Variants in KCNJ15 observed in about 807,000 individuals in gnomAD.
KCNJ15 encodes the protein potassium inwardly rectifying channel subfamily J member 15.
In KCNJ15, 14 loss-of-function variants were observed where a neutral mutation model predicts 23.0. The ratio of observed to expected loss-of-function variants is 0.61; its 90% CI spans 0.40 to 0.95. KCNJ15 has a LOEUF of 0.95. Among genes scored for constraint, KCNJ15 ranks in the 40% least tolerant of loss-of-function variants. The pLI, the probability that KCNJ15 is intolerant of heterozygous loss-of-function variation, is 0.00. For missense variants in KCNJ15, 388 were observed against 461.8 expected (o/e 0.84, Z 1.46); for synonymous variants, 185 against 183.2 (o/e 1.01, Z -0.08).
intron 1 of KCNJ15, among the ~76,000 whole-genome samples, chr21:38,239,751 G>T (rs1399311173): frequency 6.6e-6 from 1 of 152,222 alleles, no homozygotes; most frequent in Non-Finnish European, 1.5e-5. Context: ...CACTCCTAGT[G>T]TGGAGAAGTC....
At chr21:38,274,719 CCTT>C (rs1236800361) in intron 1 of KCNJ15, among the ~76,000 whole-genome samples, 3 of 152,196 alleles carry the variant, frequency 2.0e-5, no homozygotes, top group Non-Finnish European at 4.4e-5. Context: ...ATCACGTCCT[CCTT>C]CTTGAAATCT....
In KCNJ15 at chr21:38,305,412, G is replaced by A. The variant is rs942698201; in HGVS notation, c.*5023G>A. 2.6e-5 allele frequency: 4 copies of A among 152,182 alleles called. No homozygotes were observed. Among genetic ancestry groups the A allele is most frequent in the African/African-American group, 9.7e-5 (4 of 41,440 alleles). The allele number at this position is 152,182 out of a possible 1,614,324, so 9.4% of individuals were successfully genotyped here. A position where few individuals can be genotyped will look rare whatever the true frequency, so the allele number is the denominator to read the frequency against. On this transcript the variant is annotated 3_prime_UTR_variant, in exon 3 of 3. Transcript: ENST00000398938. ...TAAAAATAGAAGACCAAGAGAAGGC[G>A]GTTGATTGGAGTTGATACTTAATAG...
At chr21:38,253,109 G>T (rs1979947089), upstream of KCNJ15, among the ~76,000 whole-genome samples, 1 of 152,140 alleles carries the variant, frequency 6.6e-6, no homozygotes, top group Non-Finnish European at 1.5e-5. Flanking sequence ...CCCTCCCCAG[G>T]ATTAGGCAGG....
chr21:38,299,328 A>G lies in KCNJ15; in HGVS notation c.67A>G (p.Lys23Glu). 1 of 1,614,178 alleles carries G rather than the reference A, an allele frequency of 6.2e-7. No homozygotes were observed. The highest frequency in any genetic ancestry group is 8.5e-7 in the Non-Finnish European group (1 of 1,179,998). ...LVKHTAGAGL[K>E]ANRPRVMSKS... ...GAAGCACACTGCTGGGGCTGGGCTCAAGGCCAACAGACCCCGCGTCATGTC... is the reference window on the plus strand; with the variant it reads ...GAAGCACACTGCTGGGGCTGGGCTCGAGGCCAACAGACCCCGCGTCATGTC... Residue 23 changes from lysine (K) to glutamate (E), a missense_variant, in exon 3 of 3, where the codon AAG becomes GAG. By Grantham distance (56) the Lys-to-Glu change is moderately conservative. Transcript: ENST00000398938. The surrounding 1 kb of genome is among the most constrained non-coding windows in gnomAD (Gnocchi z 4.5).
chr21:38,278,954 A>G (rs1983032911), intron 1 of KCNJ15, among the ~76,000 whole-genome samples: 1 of 152,164 alleles, frequency 6.6e-6, no homozygotes, highest in African/African-American at 2.4e-5. Flanking sequence ...GAAGGATGCT[A>G]TAGAGAGAGG....
rs927600892 is a variant in KCNJ15 at position 38,299,139 on chromosome 21, T to C, written c.-18-105T>C. 3.4e-6 allele frequency: 3 copies of C among 891,548 alleles called. No homozygotes were observed. Among genetic ancestry groups the C allele is most frequent in the Non-Finnish European group, 5.2e-6 (3 of 576,006 alleles). The allele number at this position is 891,548 out of a possible 1,614,324, so 55.2% of individuals were successfully genotyped here. A position where few individuals can be genotyped will look rare whatever the true frequency, so the allele number is the denominator to read the frequency against. Reference sequence around the variant, plus strand: ...ATCTTGCCTTCAGAATTCTCCTTTCTTGTGTACTTCCATGTACATTCATAC... The same window carrying C: ...ATCTTGCCTTCAGAATTCTCCTTTCCTGTGTACTTCCATGTACATTCATAC... On this transcript the variant is annotated intron_variant, in intron 2 of 2. Coordinates refer to ENST00000398938, the MANE Select transcript of KCNJ15 (RefSeq NM_170736.3). This position sits in a 1 kb window ranked among gnomAD's most constrained non-coding sequence, Gnocchi z 4.5.
intron 1 of KCNJ15, chr21:38,238,814 G>C (rs779401193): frequency 3.8e-6 from 1 of 262,314 alleles, no homozygotes; most frequent in South Asian, 5.9e-5. Context: ...TGTCCAGAGC[G>C]TGGTGTAGAA....
chr21:38,249,629 A>G (rs1427434511), intron 1 of KCNJ15, among the ~76,000 whole-genome samples: 1 of 152,242 alleles, frequency 6.6e-6, no homozygotes, highest in Admixed American at 6.5e-5. Flanking sequence ...GGTGTGGTCA[A>G]ACACCAAGGA....
chr21:38,297,598 T>A (rs1985292930), intron 2 of KCNJ15, among the ~76,000 whole-genome samples: 2 of 152,366 alleles, frequency 1.3e-5, no homozygotes, highest in African/African-American at 4.8e-5. Context: ...CAGAATGGCG[T>A]TTCATTTCCA....
In KCNJ15 at chr21:38,296,994, A is replaced by C. The variant is rs914481933; in HGVS notation, c.-48A>C. ...GAGGACGTTCTACCTGCCTTGAAGA[A>C]GACACCTGACCTGCGGAGTGAGTGA... On this transcript the variant is annotated 5_prime_UTR_variant, in exon 2 of 3. Transcript: ENST00000398938. 6 of 152,708 alleles carry C rather than the reference A, an allele frequency of 3.9e-5. No individual in the cohort carries two copies. The highest frequency in any genetic ancestry group is 2.1e-4 in the South Asian group (1 of 4,832). The allele number at this position is 152,708 out of a possible 1,614,324, so 9.5% of individuals were successfully genotyped here. A position where few individuals can be genotyped will look rare whatever the true frequency, so the allele number is the denominator to read the frequency against.
At chr21:38,290,308 G>A (rs764795969) in intron 1 of KCNJ15, among the ~76,000 whole-genome samples, 3 of 152,134 alleles carry the variant, frequency 2.0e-5, no homozygotes, top group Admixed American at 6.5e-5. Flanking sequence ...AATTCGCATC[G>A]AGGAGTAAAG....
At chr21:38,295,482 A>T (rs1014159977) in intron 1 of KCNJ15, among the ~76,000 whole-genome samples, 4 of 152,138 alleles carry the variant, frequency 2.6e-5, no homozygotes, top group East Asian at 1.9e-4. Context: ...AAAATCAATC[A>T]GATTTGCTTC....
rs201213395 is a variant in KCNJ15, at chr21:38,270,939, TG to T, written c.-117+13755del. On this transcript the variant is annotated intron_variant, in intron 1 of 2. Coordinates refer to ENST00000398938, the MANE Select transcript of KCNJ15 (RefSeq NM_170736.3). ...TGCATGCATCATCAGGAATTTCATA[TG>T]CAGCAGATAGGCATACAGCCTGGTT... Among the ~76,000 whole-genome samples, 15 of 152,356 alleles carry T rather than the reference TG, an allele frequency of 9.8e-5. No individual in the cohort carries two copies. In the East Asian group the frequency reaches 2.9e-3, roughly 29 times the overall value.
intron 1 of KCNJ15, among the ~76,000 whole-genome samples, chr21:38,289,066 G>A (rs1166321496): frequency 6.6e-6 from 1 of 152,006 alleles, no homozygotes; most frequent in Non-Finnish European, 1.5e-5. Flanking sequence ...GTATGGTGGT[G>A]CATGCCTATA....
At chr21:38,268,502 A>G (rs1299041255) in intron 1 of KCNJ15, among the ~76,000 whole-genome samples, 1 of 149,672 alleles carries the variant, frequency 6.7e-6, no homozygotes, top group Non-Finnish European at 1.5e-5. Flanking sequence ...CAGTTTGGAA[A>G]CATTTGGAGA....
intron 1 of KCNJ15, among the ~76,000 whole-genome samples, chr21:38,289,226 T>C (rs1056914607): frequency 7.4e-6 from 1 of 134,586 alleles, no homozygotes; most frequent in African/African-American, 2.8e-5. Flanking sequence ...AAAGGTCAAA[T>C]ACTTGCTTCT....
chr21:38,300,506 G>T lies in KCNJ15; in HGVS notation c.*117G>T. On this transcript the variant is annotated 3_prime_UTR_variant, in exon 3 of 3. Transcript: ENST00000398938. ...GTAGACGCACTCTCAAAAACTGCAC[G>T]GACATACAAAATCAATCTTTTCCTT... 1.3e-6 allele frequency: 1 copy of T among 799,004 alleles called. No homozygotes were observed. Among genetic ancestry groups the T allele is most frequent in the South Asian group, 2.0e-5 (1 of 51,102 alleles). 49.5% of individuals were successfully genotyped at this position (799,004 alleles called of 1,614,324 possible). A position where few individuals can be genotyped will look rare whatever the true frequency, so the allele number is the denominator to read the frequency against.
chr21:38,269,890 T>C, intron 1 of KCNJ15, among the ~76,000 whole-genome samples: 1 of 151,996 alleles, frequency 6.6e-6, no homozygotes, highest in South Asian at 2.1e-4. Flanking sequence ...ACCCTGGGGT[T>C]CTCTGTGGGA....
intron 1 of KCNJ15, among the ~76,000 whole-genome samples, chr21:38,265,512 T>TAGAAATGTATATTTGATGGGTTTTTA (rs1981365904): frequency 1.3e-5 from 2 of 152,356 alleles, no homozygotes; most frequent in African/African-American, 4.8e-5. Flanking sequence ...CTGTGGTTGG[T>TAGAAATGTATATTTGATGGGTTTTTA]AGAAATGTAT....
Sources: gnomAD v4.1 joint callset for allele counts (sites outside exome capture counted in the v4.1 genomes callset) on GRCh38, gnomAD v4.1.1 for gene constraint, Gnocchi (gnomAD v3.1) non-coding constraint, MANE v1.5 for transcripts, NCBI Gene and HGNC (gene_info 2026-07-23, HGNC 2026-07-21) for gene names.